The following CELF2 variants were observed in gnomAD, a reference collection of about 807,000 sequenced individuals.
CELF2 encodes CUGBP Elav-like family member 2, also known as CUG triplet repeat RNA-binding protein 2.
A neutral mutation model predicts 62.6 loss-of-function variants in CELF2; 8 were observed. That is an observed-to-expected ratio of 0.13 (90% CI 0.07 to 0.23). The LOEUF (loss-of-function observed/expected upper bound fraction) is 0.23, where lower values mean the gene tolerates loss of function less well. Among genes scored for constraint, CELF2 ranks in the 10% least tolerant of loss-of-function variants. The probability of loss-of-function intolerance (pLI) is 1.00; values close to 1 mark genes in which losing one functional copy is unlikely to be tolerated. For missense variants in CELF2, 333 were observed against 671.0 expected (o/e 0.50, Z 5.56); for synonymous variants, 258 against 250.0 (o/e 1.03, Z -0.30).
At chr10:10,963,759 G>T (rs1242658078) in intron 2 of CELF2, among the ~76,000 whole-genome samples, 1 of 152,200 alleles carries the variant, frequency 6.6e-6, no homozygotes, top group African/African-American at 2.4e-5. Context: ...CATAGTTAAA[G>T]CCACCCATGT....
intron 1 of CELF2, among the ~76,000 whole-genome samples, chr10:11,127,429 A>G (rs1480433349): frequency 6.6e-6 from 1 of 152,212 alleles, no homozygotes; most frequent in Non-Finnish European, 1.5e-5. Flanking sequence ...TCACTGAGTC[A>G]AATGGTATTT....
chr10:10,532,784 T>G, the CELF2 span, among the ~76,000 whole-genome samples: 2 of 151,988 alleles, frequency 1.3e-5, no homozygotes, highest in Non-Finnish European at 2.9e-5. Context: ...CAGGGAGCCT[T>G]CTAAGCTACC....
the CELF2 span, among the ~76,000 whole-genome samples, chr10:10,627,813 A>G: frequency 8.7e-4 from 133 of 152,340 alleles, no homozygotes; most frequent in Non-Finnish European, 1.4e-3. Context: ...ACTTTCTACC[A>G]GAAGATAAGC....
At chr10:10,968,123 T>A (rs1028521998) in intron 2 of CELF2, among the ~76,000 whole-genome samples, 3 of 150,180 alleles carry the variant, frequency 2.0e-5, no homozygotes, top group African/African-American at 4.9e-5. Flanking sequence ...TATAGAAAGG[T>A]CAACAAAACG....
At chr10:11,259,645 C>T (rs1025025021) in intron 5 of CELF2, among the ~76,000 whole-genome samples, 4 of 152,158 alleles carry the variant, frequency 2.6e-5, no homozygotes, top group African/African-American at 9.7e-5. Context: ...AGCCATCCAT[C>T]GCTGTGGCAG....
the CELF2 span, among the ~76,000 whole-genome samples, chr10:10,664,071 A>G: frequency 3.3e-5 from 5 of 152,208 alleles, no homozygotes; most frequent in East Asian, 9.6e-4. Flanking sequence ...GAGTCAAAAA[A>G]CTATAAGCCT....
At chr10:11,225,664 C>A (rs2066284209) in intron 3 of CELF2, among the ~76,000 whole-genome samples, 3 of 152,100 alleles carry the variant, frequency 2.0e-5, no homozygotes, top group Admixed American at 2.0e-4. Flanking sequence ...AAAGAAAGGG[C>A]AAGGGGATGG....
At chr10:11,035,922 C>T (rs1470202890) in intron 1 of CELF2, among the ~76,000 whole-genome samples, 1 of 152,216 alleles carries the variant, frequency 6.6e-6, no homozygotes, top group Non-Finnish European at 1.5e-5. Flanking sequence ...ACAAATTCTG[C>T]TTGGCAATTT....
At chr10:10,864,475 A>G (rs1392295186) in intron 1 of CELF2, among the ~76,000 whole-genome samples, 1 of 152,180 alleles carries the variant, frequency 6.6e-6, no homozygotes, top group Non-Finnish European at 1.5e-5. Context: ...ACAGCAGACA[A>G]TTATCTCTCA....
At chr10:10,958,521 T>G (rs1185523792) in intron 2 of CELF2, among the ~76,000 whole-genome samples, 4 of 152,192 alleles carry the variant, frequency 2.6e-5, no homozygotes, top group Non-Finnish European at 5.9e-5. Flanking sequence ...TGCCCTCATT[T>G]GGAGGCATCC....
At chr10:10,595,195 T>G in the CELF2 span, among the ~76,000 whole-genome samples, 1 of 152,316 alleles carries the variant, frequency 6.6e-6, no homozygotes, top group African/African-American at 2.4e-5. Flanking sequence ...ATAAAATTAT[T>G]TGTACAATTT....
In CELF2 at chr10:10,972,207, C is replaced by T. The variant is rs1015060980; in HGVS notation, c.89+52208C>T. On this transcript the variant is annotated intron_variant, in intron 2 of 13. Transcript: ENST00000636488. This position sits in a 1 kb window ranked among gnomAD's most constrained non-coding sequence, Gnocchi z 4.4. ...CAGGGAAACTCGCTACCTAGGTTATCCCAAAGCATGCACCAAAGAACACAA... is the reference window on the plus strand; with the variant it reads ...CAGGGAAACTCGCTACCTAGGTTATTCCAAAGCATGCACCAAAGAACACAA... Among the ~76,000 whole-genome samples the T allele has an allele frequency of 1.3e-5, 2 of 152,096 alleles. No homozygotes were observed. Among genetic ancestry groups the T allele is most frequent in the African/African-American group, 4.8e-5 (2 of 41,412 alleles).
At chr10:10,790,518 C>A in the CELF2 span, among the ~76,000 whole-genome samples, 1 of 152,124 alleles carries the variant, frequency 6.6e-6, no homozygotes, top group African/African-American at 2.4e-5. Flanking sequence ...TGAGAACTAA[C>A]GTGGGAATTA....
chr10:11,128,946 G>A (rs2059176583), intron 1 of CELF2, among the ~76,000 whole-genome samples: 1 of 152,204 alleles, frequency 6.6e-6, no homozygotes, highest in Admixed American at 6.5e-5. Context: ...GGGCATCCCT[G>A]TCTTGTGCCA....
rs2136693728 is a variant in CELF2, at chr10:11,237,436, A to G, written c.355-11717A>G. On this transcript the variant is annotated intron_variant, in intron 3 of 12. Transcript: ENST00000633077. The surrounding 1 kb of genome is among the most constrained non-coding windows in gnomAD (Gnocchi z 4.0). ...GCAGGAGTGTGGCTGGAAGAGTCTG[A>G]GTAGTAGGTCATCCTGGGAAGCAGT... Among the ~76,000 whole-genome samples the G allele has an allele frequency of 6.6e-6, 1 of 152,212 alleles. No homozygotes were observed.
chr10:10,515,655 G>A, the CELF2 span, among the ~76,000 whole-genome samples: 1 of 152,144 alleles, frequency 6.6e-6, no homozygotes, highest in East Asian at 1.9e-4. Context: ...ATGTAGCCCA[G>A]AGGGAATTCA....
chr10:10,656,424 A>G, the CELF2 span, among the ~76,000 whole-genome samples: 10 of 134,732 alleles, frequency 7.4e-5, no homozygotes, highest in Admixed American at 2.3e-4. Context: ...ATGCACATGT[A>G]TGTTTATTGC....
chr10:11,034,371 C>G (rs1379253618), intron 1 of CELF2, among the ~76,000 whole-genome samples: 2 of 150,750 alleles, frequency 1.3e-5, no homozygotes, highest in Non-Finnish European at 1.5e-5. Flanking sequence ...TTTTTTTTTG[C>G]TGCGTCTAGA....
chr10:11,154,406 T>C (rs7896383), intron 1 of CELF2, among the ~76,000 whole-genome samples: 19,947 of 152,230 alleles, frequency 0.13, 1,408 homozygotes, highest in Middle Eastern at 0.2. Context: ...ACTAGCGAAG[T>C]AGAATGTCAT....
Sources: allele counts gnomAD v4.1 joint callset (sites outside exome capture counted in the v4.1 genomes callset), GRCh38; gene constraint gnomAD v4.1.1; non-coding constraint Gnocchi (gnomAD v3.1); transcripts MANE v1.5; gene names NCBI Gene and HGNC (gene_info 2026-07-23, HGNC 2026-07-21).